Variants in FUT8 observed in about 807,000 individuals in gnomAD.
FUT8 encodes alpha-(1,6)-fucosyltransferase.
A neutral mutation model predicts 71.3 loss-of-function variants in FUT8; 29 were observed. That is an observed-to-expected ratio of 0.41 (90% CI 0.30 to 0.55). FUT8 has a LOEUF of 0.55. Among genes scored for constraint, FUT8 ranks in the 20% least tolerant of loss-of-function variants. The pLI is 0.34. For synonymous variants in FUT8, 254 were observed against 239.3 expected, an observed-to-expected ratio of 1.06 and a Z score of -0.57; for missense variants, 544 against 702.1, an observed-to-expected ratio of 0.77 and a Z score of 2.55.
At chr14:65,610,446 A>G (rs1025764894) in intron 3 of FUT8, among the ~76,000 whole-genome samples, 2 of 150,328 alleles carry the variant, frequency 1.3e-5, no homozygotes, top group Admixed American at 1.3e-4. Flanking sequence ...CTGGAGTGCA[A>G]TGGCACAATC....
intron 7 of FUT8, among the ~76,000 whole-genome samples, chr14:65,708,893 A>G (rs1594922843): frequency 6.6e-6 from 1 of 152,154 alleles, no homozygotes; most frequent in Non-Finnish European, 1.5e-5. Context: ...GAAAGGGTAC[A>G]AAGTTTCAGT....
intron 2 of FUT8, among the ~76,000 whole-genome samples, chr14:65,556,074 T>A (rs930975131): frequency 6.6e-6 from 1 of 152,208 alleles, no homozygotes; most frequent in Non-Finnish European, 1.5e-5. Flanking sequence ...AAATAACACA[T>A]GAAGTGAAGA....
intron 1 of FUT8, among the ~76,000 whole-genome samples, chr14:65,451,336 G>A (rs886988556): frequency 7.2e-5 from 11 of 152,258 alleles, no homozygotes; most frequent in African/African-American, 1.9e-4. Context: ...AGTGGGTGCC[G>A]GAACGGCCGG....
At chr14:65,363,341 C>T in the FUT8 span, among the ~76,000 whole-genome samples, 9 of 21,724 alleles carry the variant, frequency 4.1e-4, no homozygotes, top group South Asian at 7.5e-3. Context: ...AGGCTGGTCT[C>T]GAACTCTGAC....
intron 3 of FUT8, among the ~76,000 whole-genome samples, chr14:65,575,560 C>G (rs1886710418): frequency 1.9e-5 from 1 of 51,832 alleles, no homozygotes; most frequent in African/African-American, 7.4e-5. Context: ...CCCTTCCTCC[C>G]TCCCTTCTTT....
intron 5 of FUT8, among the ~76,000 whole-genome samples, chr14:65,625,980 T>G (rs938555525): frequency 1.3e-5 from 2 of 152,114 alleles, no homozygotes; most frequent in Non-Finnish European, 2.9e-5. Flanking sequence ...CACAAGCAAA[T>G]CACAGTTGTT....
intron 3 of FUT8, among the ~76,000 whole-genome samples, chr14:65,594,733 C>A (rs958748577): frequency 1.3e-5 from 2 of 152,096 alleles, no homozygotes; most frequent in African/African-American, 4.8e-5. Context: ...AGGTTGCTCT[C>A]CCCTGAAGTC....
intron 3 of FUT8, among the ~76,000 whole-genome samples, chr14:65,572,490 T>G (rs1341184939): frequency 6.6e-6 from 1 of 152,204 alleles, no homozygotes; most frequent in Admixed American, 6.5e-5. Flanking sequence ...TTGCTTCATA[T>G]TCCACATTCT....
chr14:65,609,322 G>A (rs1888755824), intron 3 of FUT8, among the ~76,000 whole-genome samples: 1 of 151,132 alleles, frequency 6.6e-6, no homozygotes, highest in African/African-American at 2.4e-5. Flanking sequence ...TTTTCCTCTA[G>A]TCTGTGGGTT....
intron 2 of FUT8, among the ~76,000 whole-genome samples, chr14:65,506,907 A>C (rs1279493261): frequency 6.6e-6 from 1 of 152,240 alleles, no homozygotes; most frequent in Non-Finnish European, 1.5e-5. Flanking sequence ...ACGGATGAAT[A>C]AAGTACACTG....
At chr14:65,558,064 C>T (rs566449294) in intron 2 of FUT8, among the ~76,000 whole-genome samples, 2 of 151,934 alleles carry the variant, frequency 1.3e-5, no homozygotes, top group South Asian at 4.2e-4. Context: ...GGTGTGGTGG[C>T]TCACATCTGT....
intron 7 of FUT8, among the ~76,000 whole-genome samples, chr14:65,715,136 G>A (rs542668631): frequency 8.5e-5 from 13 of 152,306 alleles, no homozygotes; most frequent in Admixed American, 6.5e-5. Context: ...TGGTGACAGA[G>A]AGCATCTTTG....
chr14:65,390,805 C>T, the FUT8 span, among the ~76,000 whole-genome samples: 1 of 149,514 alleles, frequency 6.7e-6, no homozygotes, highest in Non-Finnish European at 1.5e-5. Context: ...CTCACAGCAA[C>T]CTCCGCCTTC....
chr14:65,489,769 G>A lies in FUT8; in HGVS notation c.-228+34051G>A, dbSNP rs572441469. Among the ~76,000 whole-genome samples the A allele has an allele frequency of 6.6e-6, 1 of 152,142 alleles. No homozygotes were observed. Among genetic ancestry groups the A allele is most frequent in the Non-Finnish European group, 1.5e-5 (1 of 67,956 alleles). On this transcript the variant is annotated intron_variant, in intron 2 of 10. Coordinates refer to ENST00000673929, the MANE Select transcript of FUT8 (RefSeq NM_001371533.1). This position sits in a 1 kb window ranked among gnomAD's most constrained non-coding sequence, Gnocchi z 4.0. ...TGTTTTGTTTATTGGTATCACACACGTGTCATGTGGGTCATAGACTTGTTT... is the reference window on the plus strand; with the variant it reads ...TGTTTTGTTTATTGGTATCACACACATGTCATGTGGGTCATAGACTTGTTT...
At chr14:65,717,049 A>C in intron 7 of FUT8, among the ~76,000 whole-genome samples, 1 of 146,468 alleles carries the variant, frequency 6.8e-6, no homozygotes, top group East Asian at 2.1e-4. Context: ...GGCCGGGCAG[A>C]GGTGCTCCCC....
intron 6 of FUT8, among the ~76,000 whole-genome samples, chr14:65,664,368 A>G (rs569301506): frequency 3.9e-5 from 6 of 152,142 alleles, no homozygotes; most frequent in Non-Finnish European, 8.8e-5. Context: ...TTTTGTGGCT[A>G]TAGCAACAAG....
intron 3 of FUT8, 72 bp downstream of exon 3, chr14:65,561,838 G>A (rs996051617): frequency 3.1e-5 from 38 of 1,221,800 alleles, no homozygotes; most frequent in South Asian, 1.0e-4. Context: ...GCTTCATTCC[G>A]CTAGGAAAAA....
the FUT8 span, among the ~76,000 whole-genome samples, chr14:65,379,238 T>C: frequency 0.06 from 9,073 of 152,122 alleles, 328 homozygotes; most frequent in Admixed American, 0.11. Context: ...TCAATAAATA[T>C]CTAGTGAGTG....
intron 3 of FUT8, among the ~76,000 whole-genome samples, chr14:65,570,206 C>A (rs1253467852): frequency 3.3e-5 from 5 of 152,040 alleles, no homozygotes; most frequent in African/African-American, 1.2e-4. Context: ...GCAAATCAAT[C>A]ATGGAGAAAA....
Sources: gnomAD v4.1 joint callset for allele counts (sites outside exome capture counted in the v4.1 genomes callset) on GRCh38, gnomAD v4.1.1 for gene constraint, Gnocchi (gnomAD v3.1) non-coding constraint, MANE v1.5 for transcripts, NCBI Gene and HGNC (gene_info 2026-07-23, HGNC 2026-07-21) for gene names.